NIPBL: variants seen among roughly 807,000 people sequenced by gnomAD.
The protein encoded by NIPBL is NIPBL cohesin loading factor.
NIPBL carries 19 observed loss-of-function variants against 321.8 expected under a neutral mutation model. That is an observed-to-expected ratio of 0.06 (90% CI 0.04 to 0.09). The LOEUF is 0.09. NIPBL is among the 10% of genes least tolerant of loss of function. The pLI is 1.00. For synonymous variants in NIPBL, 1,106 were observed against 1,114.1 expected (o/e 0.99, Z 0.14); for missense variants, 2,210 against 3,327.0 (o/e 0.66, Z 8.26).
intron 1 of NIPBL, among the ~76,000 whole-genome samples, chr5:36,925,684 A>G (rs1749305451): frequency 6.6e-6 from 1 of 152,198 alleles, no homozygotes; most frequent in African/African-American, 2.4e-5. Flanking sequence ...TACGTGGCAG[A>G]ATTATAATTA....
rs970153729 is a variant in NIPBL at position 36,943,547 on chromosome 5, TA to T, written c.-79-10061del. Reference sequence around the variant, plus strand: ...TGATTCTAAAATCCATATGTAACTATAAAAAAAAAACCCTAGCATCAGAACA... The same window carrying T: ...TGATTCTAAAATCCATATGTAACTATAAAAAAAAACCCTAGCATCAGAACA... On this transcript the variant is annotated intron_variant, in intron 1 of 46. Coordinates refer to ENST00000282516, the MANE Select transcript of NIPBL (RefSeq NM_133433.4). Among the ~76,000 whole-genome samples, 540 of 145,816 alleles carry T rather than the reference TA, an allele frequency of 3.7e-3. 2 individuals are homozygous for T. The highest frequency in any genetic ancestry group is 0.012 in the African/African-American group (493 of 39,828).
intron 16 of NIPBL, among the ~76,000 whole-genome samples, chr5:37,004,565 T>G (rs1486295924): frequency 6.6e-6 from 1 of 151,974 alleles, no homozygotes; most frequent in Non-Finnish European, 1.5e-5. Context: ...CCACAATGCC[T>G]GGCCAATTAT....
In NIPBL at chr5:37,020,466, G is replaced by A. The variant is rs770286768; in HGVS notation, c.5018G>A (p.Arg1673His). The A allele has an allele frequency of 3.7e-5, 59 of 1,610,474 alleles. No individual in the cohort carries two copies. Among genetic ancestry groups the A allele is most frequent in the Middle Eastern group, 1.7e-4 (1 of 5,988 alleles). The change falls in exon 26 of 47, where the codon CGT becomes CAT. Residue 1673 changes from arginine (R) to histidine (H), a missense_variant. Transcript: ENST00000282516. ...TGTCTAATTTCTTTCCAGTTTTCTC[G>A]TAAATTCTATATAGCCCAGTGGTTT... Reference protein sequence around the residue: ...TETDPSLVFSRKFYIAQWFRD... With the variant: ...TETDPSLVFSHKFYIAQWFRD...
intron 1 of NIPBL, among the ~76,000 whole-genome samples, chr5:36,939,148 G>A (rs1203225037): frequency 6.6e-6 from 1 of 152,100 alleles, no homozygotes; most frequent in Non-Finnish European, 1.5e-5. Flanking sequence ...GACTACAGGT[G>A]CATACCACCA....
chr5:36,939,390 A>G (rs1490627360), intron 1 of NIPBL, among the ~76,000 whole-genome samples: 1 of 152,148 alleles, frequency 6.6e-6, no homozygotes, highest in Non-Finnish European at 1.5e-5. Flanking sequence ...AAATGGAATC[A>G]TGTAGTTTGT....
At chr5:37,007,298 T>G (rs1247403310) in intron 17 of NIPBL, 25 bp from the exon 18 acceptor site, 1 of 1,601,502 alleles carries the variant, frequency 6.2e-7, no homozygotes, top group Non-Finnish European at 8.5e-7. Flanking sequence ...GATGTTTTCC[T>G]TATCTTGAAT....
At chr5:36,925,862 A>G (rs1374093599) in intron 1 of NIPBL, among the ~76,000 whole-genome samples, 1 of 152,112 alleles carries the variant, frequency 6.6e-6, no homozygotes, top group Non-Finnish European at 1.5e-5. Flanking sequence ...TTTCTGTCCA[A>G]CTAGACCAAG....
At chr5:36,946,838 T>C (rs1019152742) in intron 1 of NIPBL, among the ~76,000 whole-genome samples, 22 of 152,270 alleles carry the variant, frequency 1.4e-4, no homozygotes, top group Middle Eastern at 3.4e-3. Context: ...CAGACACTTA[T>C]GTTCTTTGAA....
rs1747657121 is a variant in NIPBL, at chr5:37,008,095, A to G, written c.4320+7A>G. On this transcript the variant is annotated splice_region_variant and intron_variant, in intron 19 of 46. Coordinates refer to ENST00000282516, the MANE Select transcript of NIPBL (RefSeq NM_133433.4). The stretch of plus-strand genomic sequence containing the variant: ...CATTAAGTTAGTCACTGCAGTAAGT[A>G]TAATCAATTTGTATTTTTAGTTACC... 1.9e-6 allele frequency: 3 copies of G among 1,565,290 alleles called. No homozygotes were observed. Among genetic ancestry groups the G allele is most frequent in the South Asian group, 1.1e-5 (1 of 90,066 alleles).
chr5:36,995,793 A>C lies in NIPBL; in HGVS notation c.3293A>C (p.Glu1098Ala). The C allele has an allele frequency of 2.5e-6, 4 of 1,612,864 alleles. No individual in the cohort carries two copies. Among genetic ancestry groups the C allele is most frequent in the Non-Finnish European group, 3.4e-6 (4 of 1,178,978 alleles). The change falls in exon 11 of 47, where the codon GAA becomes GCA. Residue 1098 changes from glutamate (E) to alanine (A), a missense_variant. Physicochemically the swap from Glu to Ala is moderately radical, Grantham distance 107 (BLOSUM62 -1). This residue lies in a region of NIPBL where 381 missense variants were observed against 642.3 expected (regional missense o/e 0.59). Coordinates refer to ENST00000282516, the MANE Select transcript of NIPBL (RefSeq NM_133433.4). Reference sequence around the variant, plus strand: ...TCAGATGAAGATAATGATAGTGATGAAGCTTTTGAATGTAAGTATCACAGA... The same window carrying C: ...TCAGATGAAGATAATGATAGTGATGCAGCTTTTGAATGTAAGTATCACAGA... Reference protein sequence around the residue: ...ISSDEDNDSDEAFESSRKRHK... With the variant: ...ISSDEDNDSDAAFESSRKRHK...
At chr5:37,022,025 CA>C (rs765584820) in intron 27 of NIPBL, 25 bp from the exon 28 acceptor site, 2 of 1,587,938 alleles carry the variant, frequency 1.3e-6, no homozygotes, top group Non-Finnish European at 1.7e-6. Flanking sequence ...CTAAAATTTA[CA>C]AAAATGTCAA....
Position 37,049,385 on chromosome 5 carries a change from A to G in NIPBL, c.6954+84A>G, listed in dbSNP as rs911442147. 26 of 1,403,300 alleles carry G rather than the reference A, an allele frequency of 1.9e-5. No individual in the cohort carries two copies. The South Asian group carries it at 3.0e-4, about 16-fold the overall frequency. The allele number at this position is 1,403,300 out of a possible 1,614,324, so 86.9% of individuals were successfully genotyped here. On this transcript the variant is annotated intron_variant, in intron 40 of 46. Coordinates refer to ENST00000282516, the MANE Select transcript of NIPBL (RefSeq NM_133433.4). ...TACATTGTGATTATAGAGAATAAGT[A>G]GTTCTTCGTTCCTCTTACTCTTCTT...
chr5:36,914,058 C>A (rs1304604604), intron 1 of NIPBL, among the ~76,000 whole-genome samples: 1 of 152,180 alleles, frequency 6.6e-6, no homozygotes, highest in Non-Finnish European at 1.5e-5. Flanking sequence ...TATATCTGTA[C>A]ACCTGGAACA....
In NIPBL at chr5:36,933,598, A is replaced by G. The variant is rs979712194; in HGVS notation, c.-79-20020A>G. Among the ~76,000 whole-genome samples, 6 of 152,244 alleles carry G rather than the reference A, an allele frequency of 3.9e-5. No homozygotes were observed. In the East Asian group the frequency reaches 9.6e-4, roughly 24 times the overall value. The stretch of plus-strand genomic sequence containing the variant: ...GAAGTTTGTTTTTAATGTCAATCTA[A>G]TGGTAATTTTTGATCATTTAATTTT... On this transcript the variant is annotated intron_variant, in intron 1 of 46. Coordinates refer to ENST00000282516, the MANE Select transcript of NIPBL (RefSeq NM_133433.4).
chr5:37,024,079 C>A, intron 29 of NIPBL, among the ~76,000 whole-genome samples: 1 of 151,728 alleles, frequency 6.6e-6, no homozygotes, highest in Non-Finnish European at 1.5e-5. Flanking sequence ...ACAGGAGAAT[C>A]GCTTGAGCCT....
chr5:36,900,224 A>G (rs1561363749), intron 1 of NIPBL, among the ~76,000 whole-genome samples: 1 of 152,244 alleles, frequency 6.6e-6, no homozygotes, highest in Non-Finnish European at 1.5e-5. Flanking sequence ...AAAAAATACA[A>G]AAACATTTAA....
chr5:37,064,231 T>C, intron 46 of NIPBL: 1 of 1,387,426 alleles, frequency 7.2e-7, no homozygotes, highest in Middle Eastern at 2.7e-4. Context: ...ATTGTATTAA[T>C]GTGTGTTATT....
chr5:37,022,587 T>G (rs569440481), intron 29 of NIPBL, among the ~76,000 whole-genome samples, 197 bp downstream of exon 29: 2 of 152,364 alleles, frequency 1.3e-5, no homozygotes, highest in Middle Eastern at 3.4e-3. Flanking sequence ...AACAAATCAT[T>G]GGTAATAATT....
chr5:36,967,063 A>G (rs1260862681), intron 6 of NIPBL, among the ~76,000 whole-genome samples: 3 of 152,104 alleles, frequency 2.0e-5, no homozygotes, highest in Non-Finnish European at 4.4e-5. Context: ...TTATAAACAC[A>G]AAGTATTGAT....
Sources: allele counts gnomAD v4.1 joint callset (sites outside exome capture counted in the v4.1 genomes callset), GRCh38; gene constraint gnomAD v4.1.1; regional missense constraint gnomAD v4.1.1; transcripts MANE v1.5; gene names NCBI Gene and HGNC (gene_info 2026-07-23, HGNC 2026-07-21).